The following FAT3 variants were observed in gnomAD, a reference collection of about 807,000 sequenced individuals.
The protein encoded by FAT3 is protocadherin Fat 3.
A neutral mutation model predicts 310.2 loss-of-function variants in FAT3; 95 were observed. That is an observed-to-expected ratio of 0.31 (90% CI 0.26 to 0.36). The LOEUF (loss-of-function observed/expected upper bound fraction) is 0.36, where lower values mean the gene tolerates loss of function less well. Among genes scored for constraint, FAT3 ranks in the 10% least tolerant of loss-of-function variants. The pLI is 1.00. For synonymous variants in FAT3, 2,314 were observed against 2,192.9 expected (o/e 1.06, Z -1.54); for missense variants, 5,408 against 5,715.6 (o/e 0.95, Z 1.74).
At chr11:92,606,677 A>G (rs551550860) in intron 3 of FAT3, among the ~76,000 whole-genome samples, 122 of 152,340 alleles carry the variant, frequency 8.0e-4, no homozygotes, top group Non-Finnish European at 1.5e-3. Flanking sequence ...AGGTCGCTAT[A>G]ATTAAATCAC....
intron 3 of FAT3, among the ~76,000 whole-genome samples, chr11:92,543,215 T>C (rs746962849): frequency 1.3e-5 from 2 of 152,074 alleles, no homozygotes. Flanking sequence ...TTAATCAACA[T>C]GTATAAAGTT....
intron 6 of FAT3, among the ~76,000 whole-genome samples, chr11:92,773,325 T>C (rs1205526245): frequency 1.3e-4 from 20 of 152,204 alleles, no homozygotes; most frequent in Admixed American, 1.3e-3. Context: ...CCATGTAAAT[T>C]GTTTTGTAAT....
chr11:92,589,230 T>C (rs1392357741), intron 3 of FAT3, among the ~76,000 whole-genome samples: 7 of 152,222 alleles, frequency 4.6e-5, no homozygotes, highest in Admixed American at 3.3e-4. Context: ...TCACATTCCT[T>C]TGGCCTGAAG....
intron 2 of FAT3, chr11:92,400,407 T>C (rs1949986208): frequency 6.6e-6 from 1 of 152,094 alleles, no homozygotes. Flanking sequence ...CAGATCACAG[T>C]CCTCAAAAAA....
At chr11:92,881,298 CTT>C (rs776227955) in intron 23 of FAT3, among the ~76,000 whole-genome samples, 1 of 152,154 alleles carries the variant, frequency 6.6e-6, no homozygotes, top group Non-Finnish European at 1.5e-5. Context: ...CTTACCTTCC[CTT>C]TGCAAACCTT....
At chr11:92,596,164 G>T (rs979948733) in intron 3 of FAT3, among the ~76,000 whole-genome samples, 1 of 152,008 alleles carries the variant, frequency 6.6e-6, no homozygotes, top group Non-Finnish European at 1.5e-5. Flanking sequence ...GAATTCTTGG[G>T]GCGAGCCTAC....
At chr11:92,291,080 TAC>T (rs141883138) in intron 1 of FAT3, among the ~76,000 whole-genome samples, 1,687 of 142,852 alleles carry the variant, frequency 0.012, 14 homozygotes, top group African/African-American at 0.025. Flanking sequence ...CTTTTTATTC[TAC>T]ACACACACAC....
At chr11:92,722,080 A>G (rs1187320520) in intron 4 of FAT3, among the ~76,000 whole-genome samples, 1 of 152,082 alleles carries the variant, frequency 6.6e-6, no homozygotes, top group African/African-American at 2.4e-5. Flanking sequence ...ACAGTCCCCC[A>G]AAGTCAACTC....
intron 3 of FAT3, among the ~76,000 whole-genome samples, chr11:92,662,221 G>T (rs559071726): frequency 1.1e-4 from 17 of 152,168 alleles, no homozygotes; most frequent in Non-Finnish European, 2.4e-4. Context: ...ATTATGCCAG[G>T]AGCCATTATC....
At chr11:92,562,803 A>C (rs1955280996) in intron 3 of FAT3, among the ~76,000 whole-genome samples, 2 of 152,156 alleles carry the variant, frequency 1.3e-5, no homozygotes, top group Admixed American at 6.5e-5. Context: ...GAGTGAGAGA[A>C]AATTTGCCTG....
At chr11:92,408,759 G>A (rs912987737) in intron 2 of FAT3, among the ~76,000 whole-genome samples, 6 of 152,124 alleles carry the variant, frequency 3.9e-5, no homozygotes, top group South Asian at 2.1e-4. Flanking sequence ...GTGAATAAGT[G>A]GTGATGTTGA....
intron 3 of FAT3, among the ~76,000 whole-genome samples, chr11:92,673,519 T>C (rs1364847377): frequency 6.6e-6 from 1 of 152,138 alleles, no homozygotes; most frequent in East Asian, 1.9e-4. Context: ...GTATAAGCCA[T>C]CCTGGGTGAC....
intron 22 of FAT3, among the ~76,000 whole-genome samples, chr11:92,876,027 T>C (rs1282337968): frequency 1.3e-5 from 2 of 152,186 alleles, no homozygotes. Context: ...CCCTCAGATC[T>C]GGACCGCCCC....
chr11:92,710,740 A>G (rs1480046297), intron 4 of FAT3, among the ~76,000 whole-genome samples: 3 of 152,238 alleles, frequency 2.0e-5, no homozygotes, highest in African/African-American at 4.8e-5. Flanking sequence ...GCTTTGATAC[A>G]TGCACAAAAC....
At position 92,402,241 on chromosome 11, in the gene FAT3, G is replaced by A. The variant is rs75425410; in HGVS notation, c.3292+46837G>A. On this transcript the variant is annotated intron_variant, in intron 2 of 27. Coordinates refer to ENST00000525166, the MANE Select transcript of FAT3 (RefSeq NM_001367949.2). ...GTTCATAGGTAGATAACACAACCACGGGAAAAAATATTGATGAACTTGAAG... is the reference window on the plus strand; with the variant it reads ...GTTCATAGGTAGATAACACAACCACAGGAAAAAATATTGATGAACTTGAAG... Among the ~76,000 whole-genome samples, 10 of 152,134 alleles carry A rather than the reference G, an allele frequency of 6.6e-5. No individual in the cohort carries two copies. In the East Asian group the frequency reaches 1.9e-3, roughly 29 times the overall value.
chr11:92,627,393 C>A (rs1050915991), intron 3 of FAT3, among the ~76,000 whole-genome samples: 5 of 152,076 alleles, frequency 3.3e-5, no homozygotes, highest in Admixed American at 6.6e-5. Flanking sequence ...CAGCTGCCTC[C>A]TCTGAAGTTC....
At chr11:92,327,166 G>T (rs2134518136) in intron 1 of FAT3, among the ~76,000 whole-genome samples, 1 of 152,096 alleles carries the variant, frequency 6.6e-6, no homozygotes, top group African/African-American at 2.4e-5. Flanking sequence ...AAAAGAAAAA[G>T]GTGGAAGAAA....
At chr11:92,778,637 T>G (rs1239024733) in intron 7 of FAT3, among the ~76,000 whole-genome samples, 2 of 152,218 alleles carry the variant, frequency 1.3e-5, no homozygotes, top group Non-Finnish European at 1.5e-5. Flanking sequence ...AGTCCATAAT[T>G]TTCATCAGAT....
chr11:92,453,950 T>C (rs1375628201), intron 2 of FAT3, among the ~76,000 whole-genome samples: 2 of 152,140 alleles, frequency 1.3e-5, no homozygotes, highest in African/African-American at 4.8e-5. Flanking sequence ...CTGAAACACA[T>C]TTAGATATAC....
Sources: allele counts gnomAD v4.1 joint callset (sites outside exome capture counted in the v4.1 genomes callset), GRCh38; gene constraint gnomAD v4.1.1; transcripts MANE v1.5; gene names NCBI Gene and HGNC (gene_info 2026-07-23, HGNC 2026-07-21).